LEKR1: variants seen among roughly 807,000 people sequenced by gnomAD.
LEKR1 encodes protein LEKR1.
Under a neutral mutation model 72.4 loss-of-function variants are expected in LEKR1, and 59 were observed. The ratio of observed to expected loss-of-function variants is 0.82; its 90% CI spans 0.66 to 1.01. LEKR1 has a LOEUF of 1.01. Among genes scored for constraint, LEKR1 ranks in the 50% least tolerant of loss-of-function variants. The pLI is 0.00. For synonymous variants in LEKR1, 257 were observed against 263.2 expected (o/e 0.98, Z 0.23); for missense variants, 728 against 759.2 (o/e 0.96, Z 0.48).
chr3:156,935,303 A>G (rs930965725), intron 5 of LEKR1, among the ~76,000 whole-genome samples: 2 of 152,224 alleles, frequency 1.3e-5, no homozygotes, highest in African/African-American at 4.8e-5. Flanking sequence ...CTTGGTGAAC[A>G]CAACAGATGG....
chr3:156,861,885 A>T (rs932823843), intron 3 of LEKR1, among the ~76,000 whole-genome samples: 9 of 152,106 alleles, frequency 5.9e-5, no homozygotes, highest in African/African-American at 2.2e-4. Context: ...CCACACCAAC[A>T]CTAGATTGTG....
intron 3 of LEKR1, among the ~76,000 whole-genome samples, chr3:156,869,542 G>A (rs553449234): frequency 6.1e-4 from 93 of 151,364 alleles, no homozygotes; most frequent in Non-Finnish European, 1.2e-3. Flanking sequence ...CTTTTTAATT[G>A]AATTATTTGG....
intron 5 of LEKR1, among the ~76,000 whole-genome samples, chr3:156,934,498 G>A (rs1725522503): frequency 1.3e-5 from 2 of 152,046 alleles, no homozygotes; most frequent in African/African-American, 2.4e-5. Context: ...AAAACCAAAG[G>A]CAAATTTAAT....
intron 6 of LEKR1, among the ~76,000 whole-genome samples, chr3:156,964,683 C>G (rs894699297): frequency 3.9e-5 from 6 of 152,042 alleles, no homozygotes; most frequent in African/African-American, 1.4e-4. Context: ...AAAGAAGAGT[C>G]AGTACTCGGT....
At chr3:156,902,298 A>G (rs1024524569) in intron 3 of LEKR1, among the ~76,000 whole-genome samples, 1 of 152,162 alleles carries the variant, frequency 6.6e-6, no homozygotes, top group Non-Finnish European at 1.5e-5. Flanking sequence ...TCACTTCATA[A>G]AATAACTTAT....
At chr3:157,042,553 C>T (rs1161715494) in intron 12 of LEKR1, among the ~76,000 whole-genome samples, 1 of 152,190 alleles carries the variant, frequency 6.6e-6, no homozygotes, top group African/African-American at 2.4e-5. Flanking sequence ...TCTACCTTTT[C>T]ATGTTCTCCT....
chr3:157,040,595 C>T (rs1416014276), intron 12 of LEKR1, among the ~76,000 whole-genome samples: 1 of 152,224 alleles, frequency 6.6e-6, no homozygotes, highest in Non-Finnish European at 1.5e-5. Context: ...CCTTTGCTAA[C>T]TCCCACTCAT....
At chr3:156,888,378 T>C (rs902490125) in intron 3 of LEKR1, 10 of 702,256 alleles carry the variant, frequency 1.4e-5, no homozygotes, top group Admixed American at 2.0e-5. Flanking sequence ...TACAACATTC[T>C]GTCACTGAGC....
At chr3:157,002,702 G>T (rs1054391207) in intron 9 of LEKR1, among the ~76,000 whole-genome samples, 1 of 152,138 alleles carries the variant, frequency 6.6e-6, no homozygotes, top group East Asian at 1.9e-4. Context: ...TACCATCACA[G>T]ATACAAATTT....
chr3:156,917,556 C>T (rs1004215180), intron 3 of LEKR1, among the ~76,000 whole-genome samples: 1 of 152,090 alleles, frequency 6.6e-6, no homozygotes, highest in Non-Finnish European at 1.5e-5. Flanking sequence ...ATGGGAATGT[C>T]ATTGGATTTC....
At chr3:156,970,723 T>C (rs1729095049) in intron 6 of LEKR1, among the ~76,000 whole-genome samples, 1 of 152,186 alleles carries the variant, frequency 6.6e-6, no homozygotes, top group Non-Finnish European at 1.5e-5. Context: ...AAATCATAAG[T>C]GAACTCCCAT....
intron 3 of LEKR1, among the ~76,000 whole-genome samples, chr3:156,873,893 G>A (rs1036799143): frequency 3.9e-5 from 6 of 151,994 alleles, no homozygotes; most frequent in African/African-American, 9.7e-5. Flanking sequence ...ATTCCTTTAA[G>A]TGATTAGACA....
intron 3 of LEKR1, among the ~76,000 whole-genome samples, chr3:156,900,685 G>T (rs535075839): frequency 6.6e-6 from 1 of 152,288 alleles, no homozygotes; most frequent in Admixed American, 6.5e-5. Context: ...AGTGAAGTAA[G>T]TTTCCTAATT....
intron 6 of LEKR1, among the ~76,000 whole-genome samples, chr3:156,961,495 T>C: frequency 6.6e-6 from 1 of 152,224 alleles, no homozygotes; most frequent in Non-Finnish European, 1.5e-5. Flanking sequence ...TTACCTATCC[T>C]GGACATTTTA....
At chr3:156,898,130 A>G (rs560962854) in intron 3 of LEKR1, among the ~76,000 whole-genome samples, 1 of 152,300 alleles carries the variant, frequency 6.6e-6, no homozygotes, top group Non-Finnish European at 1.5e-5. Context: ...AGCTATGTTA[A>G]TAGGGATTCT....
At chr3:156,892,478 A>G (rs547117623) in intron 3 of LEKR1, among the ~76,000 whole-genome samples, 5 of 152,348 alleles carry the variant, frequency 3.3e-5, no homozygotes, top group Non-Finnish European at 7.3e-5. Flanking sequence ...AACACTGAGG[A>G]AAAAATGCAA....
chr3:156,870,101 A>T (rs1178378121), intron 3 of LEKR1, among the ~76,000 whole-genome samples: 1 of 151,980 alleles, frequency 6.6e-6, no homozygotes, highest in East Asian at 1.9e-4. Context: ...TGTTTTAATT[A>T]CTGTAGCCTT....
At chr3:156,968,661 A>T (rs1728857852) in intron 6 of LEKR1, among the ~76,000 whole-genome samples, 1 of 152,218 alleles carries the variant, frequency 6.6e-6, no homozygotes, top group South Asian at 2.1e-4. Flanking sequence ...AGACTCCCCC[A>T]CAATAATAAT....
chr3:156,942,885 G>C (rs1442456699), intron 6 of LEKR1, 171 bp downstream of exon 6: 5 of 301,240 alleles, frequency 1.7e-5, no homozygotes, highest in Non-Finnish European at 3.1e-5. Flanking sequence ...GTCAATACTT[G>C]CTGTCATCAT....
Sources: gnomAD v4.1 joint callset for allele counts (sites outside exome capture counted in the v4.1 genomes callset) on GRCh38, gnomAD v4.1.1 for gene constraint, MANE v1.5 for transcripts, NCBI Gene and HGNC (gene_info 2026-07-23, HGNC 2026-07-21) for gene names.